THSD7B: variants seen among roughly 807,000 people sequenced by gnomAD.
The protein encoded by THSD7B is thrombospondin type 1 domain containing 7B, also known as thrombospondin type-1 domain-containing protein 7B.
Under a neutral mutation model 213.6 loss-of-function variants are expected in THSD7B, and 138 were observed. That is an observed-to-expected ratio of 0.65 (90% CI 0.56 to 0.74). The LOEUF is 0.74. Among genes scored for constraint, THSD7B ranks in the 30% least tolerant of loss-of-function variants. The pLI is 0.00. For missense variants in THSD7B, 1,931 were observed against 1,991.5 expected (o/e 0.97, Z 0.58); for synonymous variants, 742 against 687.0 (o/e 1.08, Z -1.25).
At chr2:137,169,903 A>G (rs1680210950) in intron 6 of THSD7B, among the ~76,000 whole-genome samples, 1 of 152,170 alleles carries the variant, frequency 6.6e-6, no homozygotes, top group Non-Finnish European at 1.5e-5. Flanking sequence ...AAATGGAAGG[A>G]TCTGTTAACA....
chr2:137,355,987 G>C (rs1017644197), intron 12 of THSD7B, among the ~76,000 whole-genome samples: 7 of 152,126 alleles, frequency 4.6e-5, no homozygotes, highest in African/African-American at 9.7e-5. Context: ...GTCATGGAGA[G>C]AGTAGGCATC....
chr2:136,915,629 T>A (rs1046861032), intron 2 of THSD7B, among the ~76,000 whole-genome samples: 3 of 152,338 alleles, frequency 2.0e-5, no homozygotes, highest in South Asian at 2.1e-4. Context: ...ACATGGATTG[T>A]TAAGAGGTTG....
At chr2:136,863,439 G>A (rs1649567) in intron 1 of THSD7B, among the ~76,000 whole-genome samples, 83,670 of 152,012 alleles carry the variant, frequency 0.55, 23,318 homozygotes, top group Middle Eastern at 0.76. Flanking sequence ...TTTTCACAGC[G>A]CCCAAGGGGC....
At chr2:137,478,932 G>A (rs1688247279) in intron 15 of THSD7B, among the ~76,000 whole-genome samples, 1 of 152,174 alleles carries the variant, frequency 6.6e-6, no homozygotes, top group Admixed American at 6.5e-5. Flanking sequence ...GCCAACCCTT[G>A]GACCCTAATG....
chr2:136,781,675 T>C (rs1466121031), intron 1 of THSD7B, among the ~76,000 whole-genome samples: 1 of 152,088 alleles, frequency 6.6e-6, no homozygotes, highest in East Asian at 1.9e-4. Flanking sequence ...AGGCTCTCCA[T>C]GCAGCCCATG....
At chr2:137,533,820 ATGT>A (rs1377020283) in intron 15 of THSD7B, among the ~76,000 whole-genome samples, 3 of 151,874 alleles carry the variant, frequency 2.0e-5, no homozygotes, top group African/African-American at 4.8e-5. Context: ...GCCTCTGAAA[ATGT>A]TGTTTGCTTG....
chr2:137,366,116 TC>T (rs1685400621), intron 12 of THSD7B, among the ~76,000 whole-genome samples: 2 of 141,006 alleles, frequency 1.4e-5, no homozygotes, highest in Non-Finnish European at 3.3e-5. Context: ...CTGGAAACCA[TC>T]ATTCTGAGCA....
At chr2:137,298,945 AGTG>A (rs1400242696) in intron 12 of THSD7B, among the ~76,000 whole-genome samples, 1 of 152,164 alleles carries the variant, frequency 6.6e-6, no homozygotes, top group African/African-American at 2.4e-5. Flanking sequence ...CAGAGTCCCT[AGTG>A]GGGCACTGCC....
At chr2:136,819,568 C>G (rs1682536875) in intron 1 of THSD7B, among the ~76,000 whole-genome samples, 1 of 152,150 alleles carries the variant, frequency 6.6e-6, no homozygotes, top group African/African-American at 2.4e-5. Context: ...CACTCACTCT[C>G]CCTGGGAAGA....
chr2:137,051,001 C>T (rs1687062605), intron 2 of THSD7B, among the ~76,000 whole-genome samples: 1 of 152,130 alleles, frequency 6.6e-6, no homozygotes, highest in Admixed American at 6.5e-5. Flanking sequence ...TATTAATGAT[C>T]ATGATTGATT....
chr2:137,002,845 C>T (rs1211088972), intron 2 of THSD7B, among the ~76,000 whole-genome samples: 2 of 152,026 alleles, frequency 1.3e-5, no homozygotes, highest in African/African-American at 4.8e-5. Context: ...CCATTTTATG[C>T]ACAGATTTTT....
At chr2:137,558,141 G>A (rs1466243619) in intron 15 of THSD7B, among the ~76,000 whole-genome samples, 8 of 152,148 alleles carry the variant, frequency 5.3e-5, no homozygotes, top group African/African-American at 1.2e-4. Flanking sequence ...GGTACAAGGA[G>A]GAGCTGGTAC....
chr2:137,026,083 G>T (rs1055019993), intron 2 of THSD7B, among the ~76,000 whole-genome samples: 6 of 152,122 alleles, frequency 3.9e-5, no homozygotes, highest in African/African-American at 1.4e-4. Context: ...TCAATTAAAA[G>T]ATGAACTATC....
intron 15 of THSD7B, among the ~76,000 whole-genome samples, chr2:137,539,707 T>C (rs1680572800): frequency 6.6e-6 from 1 of 151,752 alleles, no homozygotes; most frequent in Admixed American, 6.6e-5. Context: ...AGAAACTTTT[T>C]TTCTCTGAGT....
intron 4 of THSD7B, among the ~76,000 whole-genome samples, chr2:137,108,563 G>A (rs1202720161): frequency 2.6e-5 from 4 of 152,078 alleles, no homozygotes. Context: ...TTCTAACTAC[G>A]GTCTAGACTC....
chr2:137,437,588 T>C (rs1687321210), intron 14 of THSD7B, among the ~76,000 whole-genome samples: 1 of 152,118 alleles, frequency 6.6e-6, no homozygotes, highest in Admixed American at 6.6e-5. Flanking sequence ...AGCAACAGAT[T>C]ACAGAAGTCC....
chr2:137,215,769 A>G (rs1423548607), intron 7 of THSD7B, among the ~76,000 whole-genome samples: 1 of 152,194 alleles, frequency 6.6e-6, no homozygotes, highest in African/African-American at 2.4e-5. Context: ...ACTACTTTGA[A>G]TAAGTGGAAA....
intron 12 of THSD7B, among the ~76,000 whole-genome samples, chr2:137,402,596 C>T (rs1224081375): frequency 6.6e-6 from 1 of 151,910 alleles, no homozygotes. Context: ...GTGGGCAGAT[C>T]ACTTGAGGTC....
At chr2:137,080,805 C>G (rs1206238433) in intron 3 of THSD7B, among the ~76,000 whole-genome samples, 1 of 152,082 alleles carries the variant, frequency 6.6e-6, no homozygotes, top group African/African-American at 2.4e-5. Context: ...TGACCCCATT[C>G]TCATTGTAAT....
Sources: allele counts gnomAD v4.1 joint callset (sites outside exome capture counted in the v4.1 genomes callset), GRCh38; gene constraint gnomAD v4.1.1; transcripts MANE v1.5; gene names NCBI Gene and HGNC (gene_info 2026-07-23, HGNC 2026-07-21).